Variants in CPSF2 observed in about 807,000 individuals in gnomAD.
CPSF2 encodes cleavage and polyadenylation specificity factor subunit 2.
In CPSF2, 51 loss-of-function variants were observed where a neutral mutation model predicts 84.2. The observed-to-expected ratio is 0.61, with a 90% CI of 0.48 to 0.77. The LOEUF (loss-of-function observed/expected upper bound fraction) is 0.77. CPSF2 is among the 30% of genes least tolerant of loss of function. The probability of loss-of-function intolerance (pLI) is 0.00; values close to 1 mark genes in which losing one functional copy is unlikely to be tolerated. For synonymous variants in CPSF2, 286 were observed against 311.9 expected, an observed-to-expected ratio of 0.92 and a Z score of 0.87; for missense variants, 641 against 929.4, an observed-to-expected ratio of 0.69 and a Z score of 4.03.
chr14:92,138,361 C>A lies in CPSF2; in HGVS notation c.661+14C>A. On this transcript the variant is annotated intron_variant, in intron 7 of 15. Transcript: ENST00000298875. Reference sequence around the variant, plus strand: ...AGCAGCTTCTGAGTACGTATTCTTTCACGTCCTTATTATTATTATTATTTT... The same window carrying A: ...AGCAGCTTCTGAGTACGTATTCTTTAACGTCCTTATTATTATTATTATTTT... The A allele has an allele frequency of 8.0e-7, 1 of 1,255,000 alleles. No individual in the cohort carries two copies. The allele number at this position is 1,255,000 out of a possible 1,614,324, so 77.7% of individuals were successfully genotyped here. A position where few individuals can be genotyped will look rare whatever the true frequency, so the allele number is the denominator to read the frequency against.
rs1451244054 is a variant in CPSF2, at chr14:92,161,124, C to T, written c.2134C>T (p.Gln712Ter). 6.2e-7 allele frequency: 1 copy of T among 1,613,400 alleles called. No individual in the cohort carries two copies. Among genetic ancestry groups the T allele is most frequent in the East Asian group, 2.2e-5 (1 of 44,828 alleles). The change falls in exon 15 of 16, where the codon CAG becomes TAG. Residue 712 changes from glutamine to a stop codon, truncating the protein, a stop_gained. Coordinates refer to ENST00000298875, the MANE Select transcript of CPSF2 (RefSeq NM_017437.3). LOFTEE classifies it high-confidence loss of function. ...GACCTTATCTAAGGTTCCTGGACAT[C>T]AGTCAGTTTTTATGAATGAACCAAG... ...PLPPHEVPGH[Q>*]SVFMNEPRLS...
intron 2 of CPSF2, among the ~76,000 whole-genome samples, chr14:92,129,038 G>A (rs1358568245): frequency 6.6e-6 from 1 of 152,160 alleles, no homozygotes; most frequent in Non-Finnish European, 1.5e-5. Context: ...TGGGTGGCAA[G>A]AGCTTTAATG....
intron 13 of CPSF2, among the ~76,000 whole-genome samples, chr14:92,158,590 G>A (rs1226129129): frequency 6.6e-6 from 1 of 152,238 alleles, no homozygotes; most frequent in African/African-American, 2.4e-5. Context: ...CCAAGTACTA[G>A]AGGATGGGAG....
chr14:92,171,342 T>C lies in CPSF2; in HGVS notation c.*9598T>C, dbSNP rs529477757. ...GGTCTCTTCTTCCCCATTTATTCAA[T>C]ATTTATATCAGTATAGAACATGGGT... On this transcript the variant is annotated 3_prime_UTR_variant, in exon 16 of 16. Transcript: ENST00000298875. The C allele has an allele frequency of 1.9e-4, 29 of 152,288 alleles. No individual in the cohort carries two copies. The highest frequency in any genetic ancestry group is 6.7e-4 in the African/African-American group (28 of 41,566). The allele number at this position is 152,288 out of a possible 1,614,324, so 9.4% of individuals were successfully genotyped here.
At chr14:92,128,516 C>T (rs1199165429) in intron 2 of CPSF2, among the ~76,000 whole-genome samples, 2 of 152,194 alleles carry the variant, frequency 1.3e-5, no homozygotes, top group Non-Finnish European at 2.9e-5. Context: ...TAATTCTCCT[C>T]CATATCCCAT....
chr14:92,133,980 A>G, intron 3 of CPSF2, 31 bp from the exon 4 acceptor site: 1 of 1,609,760 alleles, frequency 6.2e-7, no homozygotes, highest in Non-Finnish European at 8.5e-7. Context: ...AAAAGATTCA[A>G]GAAGTAGTCC....
rs529524355 is a variant in CPSF2, at chr14:92,151,002, A to G, written c.1141-3356A>G. The stretch of plus-strand genomic sequence containing the variant: ...ATGTGATTTTAAAAATATTGTCAAC[A>G]TTTGTAAGATCTGGATAACTTGGTG... On this transcript the variant is annotated intron_variant, in intron 9 of 15. Transcript: ENST00000298875. Among the ~76,000 whole-genome samples the G allele has an allele frequency of 3.2e-3, 480 of 152,368 alleles. 3 individuals carry two copies. In the Middle Eastern group the frequency reaches 0.034, roughly 11 times the overall value.
chr14:92,136,704 T>A (rs1392402588), intron 6 of CPSF2, among the ~76,000 whole-genome samples: 1 of 152,206 alleles, frequency 6.6e-6, no homozygotes, highest in Non-Finnish European at 1.5e-5. Context: ...TAGTTACTTT[T>A]GTTTTAAGTT....
chr14:92,159,657 G>T (rs2069342865), intron 14 of CPSF2, among the ~76,000 whole-genome samples: 2 of 152,108 alleles, frequency 1.3e-5, no homozygotes, highest in Non-Finnish European at 2.9e-5. Context: ...ACTGCATCTA[G>T]CCTATATGAT....
At chr14:92,160,228 G>C (rs1446644260) in intron 14 of CPSF2, among the ~76,000 whole-genome samples, 1 of 152,206 alleles carries the variant, frequency 6.6e-6, no homozygotes, top group East Asian at 1.9e-4. Context: ...CTCCCAAAGT[G>C]CTGGGATTAC....
chr14:92,139,511 G>A (rs1033314295), intron 7 of CPSF2, among the ~76,000 whole-genome samples: 14 of 151,312 alleles, frequency 9.3e-5, no homozygotes, highest in Non-Finnish European at 5.9e-5. Flanking sequence ...AATATAGTAG[G>A]CCATTGCTGC....
chr14:92,142,060 G>C lies in CPSF2; in HGVS notation c.662-104G>C, dbSNP rs367725470. On this transcript the variant is annotated intron_variant, in intron 7 of 15. Transcript: ENST00000298875. ...TACTTGGCCTAGTAGTTGCTTATTTGTAAATTATAGTCTTTCTAATAAAAA... is the reference window on the plus strand; with the variant it reads ...TACTTGGCCTAGTAGTTGCTTATTTCTAAATTATAGTCTTTCTAATAAAAA... The C allele has an allele frequency of 2.6e-5, 24 of 932,482 alleles. 1 individual carries two copies. Among genetic ancestry groups the C allele is most frequent in the East Asian group, 2.4e-4 (9 of 37,176 alleles). The allele number at this position is 932,482 out of a possible 1,614,324, so 57.8% of individuals were successfully genotyped here.
chr14:92,141,880 T>C (rs2069082817), intron 7 of CPSF2, among the ~76,000 whole-genome samples: 1 of 152,222 alleles, frequency 6.6e-6, no homozygotes, highest in African/African-American at 2.4e-5. Context: ...ACACACCATT[T>C]TCTATGTGTA....
chr14:92,136,852 CAAA>C (rs1483264911), intron 6 of CPSF2, among the ~76,000 whole-genome samples: 1 of 151,936 alleles, frequency 6.6e-6, no homozygotes, highest in East Asian at 1.9e-4. Flanking sequence ...AATTATATAA[CAAA>C]AGAAATTTCA....
intron 1 of CPSF2, among the ~76,000 whole-genome samples, chr14:92,124,278 T>A (rs117343569): frequency 5.3e-5 from 8 of 152,168 alleles, no homozygotes; most frequent in African/African-American, 1.9e-4. Flanking sequence ...CAGGAGGATA[T>A]TTGTTTTTTT....
intron 9 of CPSF2, among the ~76,000 whole-genome samples, chr14:92,150,842 T>C (rs2069205980): frequency 6.6e-6 from 1 of 152,180 alleles, no homozygotes; most frequent in African/African-American, 2.4e-5. Flanking sequence ...ATTGACAGCA[T>C]TTGTTGGCTT....
At chr14:92,123,916 A>G (rs555172622) in intron 1 of CPSF2, among the ~76,000 whole-genome samples, 2 of 152,360 alleles carry the variant, frequency 1.3e-5, no homozygotes, top group South Asian at 4.1e-4. Flanking sequence ...TTCAACAAAT[A>G]CTTTATGTGC....
At chr14:92,128,781 A>AAT (rs2068877082) in intron 2 of CPSF2, among the ~76,000 whole-genome samples, 1 of 152,170 alleles carries the variant, frequency 6.6e-6, no homozygotes, top group Admixed American at 6.5e-5. Context: ...GGTGTTAGAG[A>AAT]ATGAGATGCT....
chr14:92,159,706 A>T (rs888468925), intron 14 of CPSF2, among the ~76,000 whole-genome samples: 2 of 152,160 alleles, frequency 1.3e-5, no homozygotes, highest in African/African-American at 4.8e-5. Flanking sequence ...TATGTCTCAC[A>T]TTTGGGCTGA....
Sources: gnomAD v4.1 joint callset for allele counts (sites outside exome capture counted in the v4.1 genomes callset) on GRCh38, gnomAD v4.1.1 for gene constraint, MANE v1.5 for transcripts, NCBI Gene and HGNC (gene_info 2026-07-23, HGNC 2026-07-21) for gene names.